The following HMCN2 variants were observed in gnomAD, a reference collection of about 807,000 sequenced individuals.
The protein encoded by HMCN2 is hemicentin-2.
HMCN2 carries 325 observed loss-of-function variants against 377.5 expected under a neutral mutation model. The ratio of observed to expected loss-of-function variants is 0.86; its 90% CI spans 0.79 to 0.94. HMCN2 has a LOEUF of 0.94. HMCN2 is among the 40% of genes least tolerant of loss of function. The pLI is 0.00. For synonymous variants in HMCN2, 2,007 were observed against 2,046.8 expected, an observed-to-expected ratio of 0.98 and a Z score of 0.53; for missense variants, 4,543 against 4,725.3, an observed-to-expected ratio of 0.96 and a Z score of 1.13.
chr9:130,373,109 A>T lies in HMCN2; in HGVS notation c.7423A>T (p.Met2475Leu), dbSNP rs1841128085. 1.0e-6 allele frequency: 1 copy of T among 980,560 alleles called. No homozygotes were observed. The highest frequency in any genetic ancestry group is 4.7e-5 in the South Asian group (1 of 21,194). The allele number at this position is 980,560 out of a possible 1,614,324, so 60.7% of individuals were successfully genotyped here. ...KVLDGQTAHL[M>L]CNVTGHPQPK... The stretch of plus-strand genomic sequence containing the variant: ...CCTTGATGGACAGACTGCCCATCTT[A>T]TGTGCAACGTCACAGGTAAGGGCCA... Residue 2475 changes from methionine (M) to leucine (L), a missense_variant, in exon 48 of 98, where the codon ATG (methionine) becomes TTG (leucine). Coordinates refer to ENST00000683500, the MANE Select transcript of HMCN2 (RefSeq NM_001291815.2).
chr9:130,310,438 A>T (rs1002523464), intron 15 of HMCN2, among the ~76,000 whole-genome samples: 1 of 152,028 alleles, frequency 6.6e-6, no homozygotes, highest in Non-Finnish European at 1.5e-5. Context: ...CTCTAGGCTC[A>T]CTCGTGGGGC....
At chr9:130,427,224 T>G in intron 90 of HMCN2, 89 bp from the exon 91 acceptor site, 2 of 1,353,814 alleles carry the variant, frequency 1.5e-6, no homozygotes, top group Non-Finnish European at 2.1e-6. Context: ...AAGCTGGCAG[T>G]GGGGGAGCTG....
chr9:130,342,012 AAAAT>A (rs1221408865), intron 24 of HMCN2, among the ~76,000 whole-genome samples: 4,946 of 130,676 alleles, frequency 0.038, 188 homozygotes, highest in African/African-American at 0.096. Flanking sequence ...CCCATCTCTT[AAAAT>A]AAATAAATAA....
chr9:130,293,691 T>G (rs1835940745), intron 4 of HMCN2, among the ~76,000 whole-genome samples: 2 of 152,116 alleles, frequency 1.3e-5, no homozygotes, highest in Admixed American at 1.3e-4. Context: ...AGCAGGTGCC[T>G]CCTGAGCACT....
At chr9:130,377,873 C>A (rs562236284) in intron 53 of HMCN2, 74 bp downstream of exon 53, 5 of 957,652 alleles carry the variant, frequency 5.2e-6, no homozygotes, top group Non-Finnish European at 6.2e-6. Flanking sequence ...CCTCCGCAGG[C>A]CCCCACCATG....
intron 21 of HMCN2, among the ~76,000 whole-genome samples, chr9:130,326,292 C>T (rs1286514786): frequency 2.0e-5 from 3 of 152,102 alleles, no homozygotes; most frequent in Non-Finnish European, 4.4e-5. Context: ...TCTCAGCTCT[C>T]CCTGTTCCCC....
At chr9:130,336,001 C>A (rs1838730539) in intron 22 of HMCN2, among the ~76,000 whole-genome samples, 1 of 152,134 alleles carries the variant, frequency 6.6e-6, no homozygotes, top group Admixed American at 6.5e-5. Flanking sequence ...CTGATGAGAA[C>A]CCCTCCCTTG....
chr9:130,285,359 G>T (rs1554927323), intron 3 of HMCN2, 43 bp downstream of exon 3: 1 of 466,964 alleles, frequency 2.1e-6, no homozygotes, highest in Non-Finnish European at 4.4e-6. Context: ...GGTCCCCCGG[G>T]GGTCCCGAGG....
chr9:130,326,709 C>G (rs1446631211), intron 21 of HMCN2, among the ~76,000 whole-genome samples: 4 of 152,116 alleles, frequency 2.6e-5, no homozygotes, highest in African/African-American at 9.7e-5. Flanking sequence ...GCTGCTCAGA[C>G]AGGTAGCGAG....
intron 65 of HMCN2, 23 bp from the exon 66 acceptor site, chr9:130,391,912 C>A: frequency 1.0e-6 from 1 of 986,770 alleles, no homozygotes; most frequent in Middle Eastern, 3.1e-4. Flanking sequence ...CGCACTACCC[C>A]TCTTTTTTCT....
chr9:130,329,892 G>A (rs1310122781), intron 22 of HMCN2, among the ~76,000 whole-genome samples: 3 of 151,850 alleles, frequency 2.0e-5, no homozygotes, highest in African/African-American at 7.3e-5. Context: ...TCAGTGACTC[G>A]ACCAGAACAC....
At chr9:130,341,793 G>T (rs1839061853) in intron 24 of HMCN2, among the ~76,000 whole-genome samples, 5 of 152,120 alleles carry the variant, frequency 3.3e-5, no homozygotes, top group African/African-American at 9.7e-5. Context: ...AATAGTATGT[G>T]GGGGGTCCAT....
At position 130,293,026 on chromosome 9, in the gene HMCN2, C is replaced by G. The variant is rs368903069; in HGVS notation, c.613-1829C>G. On this transcript the variant is annotated intron_variant, in intron 4 of 97. Transcript: ENST00000683500. ...CCTACCTACCTGCCTATATACCTAC[C>G]TATCAATTTATCATCTATCTCTATC... Among the ~76,000 whole-genome samples the G allele has an allele frequency of 1.5e-3, 227 of 151,878 alleles. 2 individuals carry two copies. The highest frequency in any genetic ancestry group is 5.2e-3 in the African/African-American group (216 of 41,266).
intron 19 of HMCN2, among the ~76,000 whole-genome samples, chr9:130,322,984 T>C (rs966373553): frequency 9.5e-4 from 144 of 152,340 alleles, no homozygotes; most frequent in African/African-American, 3.3e-3. Flanking sequence ...TCAGAAGGGC[T>C]GGGTTGAGCG....
In HMCN2 at chr9:130,347,521, G is replaced by T. The variant is rs1445991977; in HGVS notation, c.4024+161G>T. Reference sequence around the variant, plus strand: ...CAGGTGTGGCAGTGCCAGTTCCCCGGGGCCTGAAAGCTTCCTACACAGGAG... The same window carrying T: ...CAGGTGTGGCAGTGCCAGTTCCCCGTGGCCTGAAAGCTTCCTACACAGGAG... On this transcript the variant is annotated intron_variant, in intron 26 of 97. Transcript: ENST00000683500. The surrounding 1 kb of genome is among the most constrained non-coding windows in gnomAD (Gnocchi z 5.1). Among the ~76,000 whole-genome samples the T allele has an allele frequency of 1.3e-5, 2 of 152,180 alleles. No homozygotes were observed. Among genetic ancestry groups the T allele is most frequent in the African/African-American group, 2.4e-5 (1 of 41,440 alleles).
At chr9:130,272,588 C>T (rs1447750616) in intron 1 of HMCN2, among the ~76,000 whole-genome samples, 4 of 151,998 alleles carry the variant, frequency 2.6e-5, no homozygotes, top group Non-Finnish European at 4.4e-5. Context: ...CATTCTGTTG[C>T]CCAGGCTGGG....
At chr9:130,419,251 G>T in intron 86 of HMCN2, 1 of 461,350 alleles carries the variant, frequency 2.2e-6, no homozygotes, top group Non-Finnish European at 3.7e-6. Flanking sequence ...TGCTCATCTT[G>T]GACAGGGAAC....
At position 130,391,043 on chromosome 9, in the gene HMCN2, C is replaced by T. The variant is rs925164591; in HGVS notation, c.9590C>T (p.Ala3197Val). The T allele has an allele frequency of 3.0e-6, 3 of 987,758 alleles. No homozygotes were observed. Among genetic ancestry groups the T allele is most frequent in the African/African-American group, 3.5e-5 (2 of 57,302 alleles). The allele number at this position is 987,758 out of a possible 1,614,324, so 61.2% of individuals were successfully genotyped here. ...CTCCAGCTGAGCCGCCTGCAACCGG[C>T]CCAGGCGGGCACCTACACGTGCGTG... ...GRLQLSRLQP[A>V]QAGTYTCVAE... is the part of the protein sequence containing the mutation. Residue 3197 changes from alanine to valine, a missense_variant, in exon 63 of 98, where the codon GCC becomes GTC. Coordinates refer to ENST00000683500, the MANE Select transcript of HMCN2 (RefSeq NM_001291815.2).
intron 31 of HMCN2, among the ~76,000 whole-genome samples, chr9:130,353,924 T>C (rs914976): frequency 0.88 from 133,069 of 152,034 alleles, 58,493 homozygotes; most frequent in Admixed American, 0.93. Flanking sequence ...GGAGTCACTT[T>C]GGGAGCTCTG....
Sources: gnomAD v4.1 joint callset for allele counts (sites outside exome capture counted in the v4.1 genomes callset) on GRCh38, gnomAD v4.1.1 for gene constraint, Gnocchi (gnomAD v3.1) non-coding constraint, MANE v1.5 for transcripts, NCBI Gene and HGNC (gene_info 2026-07-23, HGNC 2026-07-21) for gene names.